Variants in DCBLD2 observed in about 807,000 individuals in gnomAD.
DCBLD2 encodes the protein discoidin, CUB and LCCL domain-containing protein 2.
A neutral mutation model predicts 86.8 loss-of-function variants in DCBLD2; 54 were observed. That is an observed-to-expected ratio of 0.62 (90% confidence interval 0.50 to 0.78). The LOEUF is 0.78. DCBLD2 is among the 30% of genes least tolerant of loss of function. DCBLD2 has a pLI of 0.00. For synonymous variants in DCBLD2, 354 were observed against 341.3 expected, an observed-to-expected ratio of 1.04 and a Z score of -0.41; for missense variants, 908 against 954.2, an observed-to-expected ratio of 0.95 and a Z score of 0.64.
At chr3:98,860,002 G>A (rs1943010987) in intron 2 of DCBLD2, among the ~76,000 whole-genome samples, 1 of 152,336 alleles carries the variant, frequency 6.6e-6, no homozygotes, top group East Asian at 1.9e-4. Flanking sequence ...TGGCTAACTA[G>A]AATAACCAGT....
At chr3:98,844,062 A>ACACACC (rs1459005169) in intron 3 of DCBLD2, among the ~76,000 whole-genome samples, 2 of 144,016 alleles carry the variant, frequency 1.4e-5, no homozygotes, top group African/African-American at 5.2e-5. Context: ...ACACACACAC[A>ACACACC]CCCCAATTAT....
At chr3:98,897,709 A>G (rs916881617) in intron 1 of DCBLD2, among the ~76,000 whole-genome samples, 2 of 152,170 alleles carry the variant, frequency 1.3e-5, no homozygotes, top group Admixed American at 6.5e-5. Context: ...TTAAATTAGC[A>G]AAGAAAAACT....
Position 98,812,400 on chromosome 3 carries a change from T to A in DCBLD2, c.1295A>T (p.Asn432Ile). 1 of 1,613,554 alleles carries A rather than the reference T, an allele frequency of 6.2e-7. No homozygotes were observed. Among genetic ancestry groups the A allele is most frequent in the Middle Eastern group, 1.7e-4 (1 of 6,056 alleles). The change falls in exon 10 of 16, where the codon AAT becomes ATT. Residue 432 changes from asparagine (N) to isoleucine (I), a missense_variant. Physicochemically the swap from Asn to Ile is moderately radical, Grantham distance 149. Transcript: ENST00000326840. ...AATTTTCTGCTGCCATTGGGTAGGA[T>A]TCACTCTAATAAAACGTGCAATAAT... ...PPIIARFIRV[N>I]PTQWQQKIAM... is the part of the protein sequence containing the mutation.
intron 15 of DCBLD2, among the ~76,000 whole-genome samples, chr3:98,800,088 T>C (rs1223810183): frequency 1.3e-5 from 2 of 152,248 alleles, no homozygotes; most frequent in Non-Finnish European, 2.9e-5. Context: ...ATATGTTCTT[T>C]AGATTTACAG....
intron 1 of DCBLD2, among the ~76,000 whole-genome samples, chr3:98,891,657 C>T (rs1235100421): frequency 6.6e-6 from 1 of 152,066 alleles, no homozygotes; most frequent in Non-Finnish European, 1.5e-5. Context: ...CCCCTGATTC[C>T]CTTTCTGGTC....
intron 5 of DCBLD2, 44 bp downstream of exon 5, chr3:98,822,625 T>G (rs534467338): frequency 2.7e-6 from 4 of 1,508,256 alleles, no homozygotes; most frequent in South Asian, 2.6e-5. Context: ...TCTAAAAAAA[T>G]AGAGTTATAT....
intron 2 of DCBLD2, among the ~76,000 whole-genome samples, chr3:98,877,135 A>C (rs1234306895): frequency 6.6e-6 from 1 of 152,160 alleles, no homozygotes. Context: ...TTTGAGAATC[A>C]TGTTAATGTT....
chr3:98,834,951 T>G (rs1942403093), intron 3 of DCBLD2, among the ~76,000 whole-genome samples: 2 of 146,392 alleles, frequency 1.4e-5, no homozygotes, highest in Non-Finnish European at 3.1e-5. Flanking sequence ...CCAGCCCTTC[T>G]GCTATAAACT....
intron 1 of DCBLD2, among the ~76,000 whole-genome samples, chr3:98,898,450 AC>A (rs1351564456): frequency 5.3e-5 from 8 of 151,534 alleles, no homozygotes; most frequent in Non-Finnish European, 8.8e-5. Context: ...TATCAAAGAA[AC>A]CTTTTTTGCA....
chr3:98,800,774 T>A, intron 14 of DCBLD2, 58 bp from the exon 15 acceptor site: 1 of 1,604,988 alleles, frequency 6.2e-7, no homozygotes, highest in Non-Finnish European at 8.5e-7. Context: ...TCTCAAACAG[T>A]AGTATCAAGA....
At chr3:98,847,024 T>A (rs950677358) in intron 3 of DCBLD2, among the ~76,000 whole-genome samples, 1 of 152,228 alleles carries the variant, frequency 6.6e-6, no homozygotes. Flanking sequence ...TTATTTTCTA[T>A]CCTCTCACCT....
intron 12 of DCBLD2, among the ~76,000 whole-genome samples, chr3:98,809,303 GC>G (rs1941892852): frequency 6.6e-6 from 1 of 150,882 alleles, no homozygotes; most frequent in Non-Finnish European, 1.5e-5. Flanking sequence ...GGGGCTCAGA[GC>G]CGGACACTGC....
chr3:98,828,528 G>C (rs1180187038), intron 3 of DCBLD2, among the ~76,000 whole-genome samples: 1 of 152,184 alleles, frequency 6.6e-6, no homozygotes, highest in Admixed American at 6.5e-5. Context: ...ACACTCACTA[G>C]GATGGCGAAA....
At chr3:98,845,085 A>G (rs1443943590) in intron 3 of DCBLD2, among the ~76,000 whole-genome samples, 3 of 152,210 alleles carry the variant, frequency 2.0e-5, no homozygotes, top group Non-Finnish European at 4.4e-5. Context: ...ATATTTCTAT[A>G]TATCAAATTG....
chr3:98,874,912 T>A (rs1306133717), intron 2 of DCBLD2, among the ~76,000 whole-genome samples: 1 of 152,144 alleles, frequency 6.6e-6, no homozygotes, highest in Non-Finnish European at 1.5e-5. Flanking sequence ...TCTGAGAAAG[T>A]AAACTGCTGT....
chr3:98,838,615 CAG>C (rs1350122357), intron 3 of DCBLD2, among the ~76,000 whole-genome samples: 1 of 151,888 alleles, frequency 6.6e-6, no homozygotes, highest in African/African-American at 2.4e-5. Context: ...GGCGGCCAGG[CAG>C]AGACACTCTT....
intron 8 of DCBLD2, among the ~76,000 whole-genome samples, chr3:98,818,163 T>C (rs559987003): frequency 6.6e-6 from 1 of 152,328 alleles, no homozygotes; most frequent in Non-Finnish European, 1.5e-5. Context: ...AAATAGATTT[T>C]GACTACTGGG....
intron 1 of DCBLD2, 191 bp downstream of exon 1, chr3:98,900,931 C>T: frequency 9.9e-7 from 1 of 1,011,946 alleles, no homozygotes; most frequent in Non-Finnish European, 1.4e-6. Flanking sequence ...AAAGTAAAGC[C>T]GCGCCAACTT....
At chr3:98,871,840 G>GT (rs1326980823) in intron 2 of DCBLD2, among the ~76,000 whole-genome samples, 1 of 152,192 alleles carries the variant, frequency 6.6e-6, no homozygotes, top group East Asian at 1.9e-4. Flanking sequence ...AATAGTTTCA[G>GT]TAGAATTGGC....
Sources: allele counts gnomAD v4.1 joint callset (sites outside exome capture counted in the v4.1 genomes callset), GRCh38; gene constraint gnomAD v4.1.1; transcripts MANE v1.5; gene names NCBI Gene and HGNC (gene_info 2026-07-23, HGNC 2026-07-21).